TACC2: variants seen among roughly 807,000 people sequenced by gnomAD.
The protein encoded by TACC2 is transforming acidic coiled-coil containing protein 2.
TACC2 carries 137 observed loss-of-function variants against 227.3 expected under a neutral mutation model. The ratio of observed to expected loss-of-function variants is 0.60; its 90% CI spans 0.52 to 0.69. TACC2 has a LOEUF of 0.69. Among genes scored for constraint, TACC2 ranks in the 30% least tolerant of loss-of-function variants. The pLI, the probability that TACC2 is intolerant of heterozygous loss-of-function variation, is 0.00. For synonymous variants in TACC2, 1,523 were observed against 1,487.5 expected (o/e 1.02, Z -0.55); for missense variants, 3,470 against 3,694.4 (o/e 0.94, Z 1.57).
chr10:121,989,929 A>G (rs1475893710), intron 1 of TACC2, among the ~76,000 whole-genome samples: 4 of 151,828 alleles, frequency 2.6e-5, no homozygotes, highest in Non-Finnish European at 4.4e-5. Context: ...AGCATGGGAA[A>G]TATTTTTATG....
chr10:122,229,744 GAAGCATTGATAGCCCCCA>G (rs2095699191), intron 15 of TACC2, among the ~76,000 whole-genome samples: 1 of 152,112 alleles, frequency 6.6e-6, no homozygotes, highest in South Asian at 2.1e-4. Flanking sequence ...TCATTATTTA[GAAGCATTGATAGCCCCCA>G]AAGCAGTTTC....
chr10:122,121,496 C>G (rs1185177172), intron 5 of TACC2, among the ~76,000 whole-genome samples: 1 of 152,196 alleles, frequency 6.6e-6, no homozygotes, highest in Admixed American at 6.5e-5. Flanking sequence ...ATCACCTGCC[C>G]TATCCTACCT....
Position 122,211,322 on chromosome 10 carries a change from G to C in TACC2, c.6897G>C (p.Leu2299=). The change falls in exon 9 of 23, where the codon CTG becomes CTC. Residue 2299 remains leucine (L), a synonymous_variant. Coordinates refer to ENST00000369005, the MANE Select transcript of TACC2 (RefSeq NM_206862.4). ...IGKKPVAKMP[L]RRPKMKKTPE... ...AAAAGCCAGTTGCCAAAATGCCCCTGAGGAGGCCAAAGATGAAAAAGACAC... is the reference window on the plus strand; with the variant it reads ...AAAAGCCAGTTGCCAAAATGCCCCTCAGGAGGCCAAAGATGAAAAAGACAC... The C allele has an allele frequency of 6.2e-7, 1 of 1,614,028 alleles. No homozygotes were observed. Among genetic ancestry groups the C allele is most frequent in the Non-Finnish European group, 8.5e-7 (1 of 1,180,002 alleles).
chr10:122,110,400 G>A (rs186870901), intron 5 of TACC2, among the ~76,000 whole-genome samples: 55 of 152,302 alleles, frequency 3.6e-4, no homozygotes, highest in African/African-American at 7.5e-4. Flanking sequence ...ATTTCTGGTC[G>A]TGGCTAGGAT....
chr10:122,083,291 C>A lies in TACC2; in HGVS notation c.791C>A (p.Ala264Glu). The change falls in exon 4 of 23, where the codon GCG becomes GAG. Residue 264 changes from alanine to glutamate, a missense_variant. Coordinates refer to ENST00000369005, the MANE Select transcript of TACC2 (RefSeq NM_206862.4). The part of the protein sequence containing the change: ...AAAQQGTESS[A>E]VLEKSPLKPM... ...GCCCAGCAGGGCACAGAAAGCTCAG[C>A]GGTCTTGGAGAAGTCCCCCCTAAAA... 6.2e-7 allele frequency: 1 copy of A among 1,613,962 alleles called. No individual in the cohort carries two copies. The highest frequency in any genetic ancestry group is 8.5e-7 in the Non-Finnish European group (1 of 1,180,022).
chr10:122,238,752 A>C (rs2095913778), intron 18 of TACC2, among the ~76,000 whole-genome samples: 1 of 151,892 alleles, frequency 6.6e-6, no homozygotes, highest in African/African-American at 2.4e-5. Flanking sequence ...CGCCTGACCC[A>C]CCACTCTTTT....
chr10:122,126,326 G>GTGTGTGTGTGTGTGTGTGTC (rs2086858646), intron 5 of TACC2, among the ~76,000 whole-genome samples: 1 of 151,490 alleles, frequency 6.6e-6, no homozygotes, highest in Non-Finnish European at 1.5e-5. Flanking sequence ...CTGTGTGTGT[G>GTGTGTGTGTGTGTGTGTGTC]TGTGTGTGTG....
intron 12 of TACC2, 25 bp downstream of exon 12, chr10:122,224,812 T>C (rs768637227): frequency 4.4e-6 from 7 of 1,603,890 alleles, no homozygotes; most frequent in Non-Finnish European, 5.1e-6. Flanking sequence ...CTCGGGCCAC[T>C]TAGGGGACTC....
intron 15 of TACC2, 54 bp downstream of exon 15, chr10:122,229,540 T>C: frequency 1.2e-6 from 2 of 1,603,082 alleles, no homozygotes; most frequent in Non-Finnish European, 1.7e-6. Flanking sequence ...CAGTAGAGAA[T>C]GAACCCCCGA....
At chr10:122,130,474 G>A in intron 5 of TACC2, among the ~76,000 whole-genome samples, 1 of 151,812 alleles carries the variant, frequency 6.6e-6, no homozygotes, top group East Asian at 1.9e-4. Flanking sequence ...TAGAGACAGG[G>A]TCACCCTATG....
At chr10:122,148,954 T>G (rs1189106319) in intron 7 of TACC2, among the ~76,000 whole-genome samples, 1 of 152,248 alleles carries the variant, frequency 6.6e-6, no homozygotes, top group African/African-American at 2.4e-5. Flanking sequence ...ACGCTTCTGA[T>G]GGGCCTTCCT....
chr10:122,154,062 C>T (rs902074287), intron 7 of TACC2, among the ~76,000 whole-genome samples: 10 of 152,212 alleles, frequency 6.6e-5, no homozygotes, highest in African/African-American at 9.6e-5. Flanking sequence ...TGGAAGGGCT[C>T]GTCCTAGGGA....
At chr10:122,175,793 C>G (rs1051086499) in intron 7 of TACC2, among the ~76,000 whole-genome samples, 5 of 152,126 alleles carry the variant, frequency 3.3e-5, no homozygotes, top group African/African-American at 1.2e-4. Context: ...GGGCCGGGTA[C>G]AATAGCTCAA....
At chr10:122,173,106 G>A (rs143088567) in intron 7 of TACC2, among the ~76,000 whole-genome samples, 13 of 152,084 alleles carry the variant, frequency 8.5e-5, no homozygotes, top group African/African-American at 1.7e-4. Context: ...GGCATATATC[G>A]CCTGTGCCTG....
Position 122,249,424 on chromosome 10 carries a change from G to C in TACC2, c.8661-120G>C, listed in dbSNP as rs1012671028. 84 of 1,396,262 alleles carry C rather than the reference G, an allele frequency of 6.0e-5. 2 individuals are homozygous for C. The Admixed American group carries it at 1.5e-3, about 25-fold the overall frequency. 86.5% of individuals were successfully genotyped at this position (1,396,262 alleles called of 1,614,324 possible). A position where few individuals can be genotyped will look rare whatever the true frequency, so the allele number is the denominator to read the frequency against. On this transcript the variant is annotated intron_variant, in intron 21 of 22. Transcript: ENST00000369005. Reference sequence around the variant, plus strand: ...TGTTCTCATGGGCTCCTGTGCTCCAGCTCCAGTTGGTGGCAGCTGGGGCCA... The same window carrying C: ...TGTTCTCATGGGCTCCTGTGCTCCACCTCCAGTTGGTGGCAGCTGGGGCCA...
chr10:122,195,270 G>C lies in TACC2; in HGVS notation c.5971+94G>C, dbSNP rs1278725415. The C allele has an allele frequency of 6.9e-6, 8 of 1,158,066 alleles. No homozygotes were observed. In the East Asian group the frequency reaches 1.9e-4, roughly 28 times the overall value. The allele number at this position is 1,158,066 out of a possible 1,614,324, so 71.7% of individuals were successfully genotyped here. On this transcript the variant is annotated intron_variant, in intron 8 of 22. Transcript: ENST00000369005. Reference sequence around the variant, plus strand: ...GTTCCTCCTGGGTCAGGCTGGAGGCGAGCACTGACTCGACCTCTTGGCTTT... The same window carrying C: ...GTTCCTCCTGGGTCAGGCTGGAGGCCAGCACTGACTCGACCTCTTGGCTTT...
intron 3 of TACC2, among the ~76,000 whole-genome samples, chr10:122,060,651 AT>A (rs1383693875): frequency 5.3e-5 from 8 of 152,172 alleles, no homozygotes; most frequent in African/African-American, 1.9e-4. Context: ...AGCTTTCCAT[AT>A]TTTGGATATA....
rs1591839335 is a variant in TACC2, at chr10:122,087,321, C to T, written c.4821C>T (p.Asp1607=). Residue 1607 remains aspartate, a synonymous_variant, in exon 4 of 23, where the codon GAC becomes GAT. Coordinates refer to ENST00000369005, the MANE Select transcript of TACC2 (RefSeq NM_206862.4). The stretch of plus-strand genomic sequence containing the variant: ...AGCACCAGGAAACATCTGCCTGCGA[C>T]AGTCCACATGGAGAAGATGGTCCCG... ...GKQHQETSAC[D]SPHGEDGPGD... 5.6e-6 allele frequency: 9 copies of T among 1,614,022 alleles called. No homozygotes were observed. The East Asian group carries it at 2.0e-4, about 36-fold the overall frequency.
chr10:122,066,195 C>T (rs1421091502), intron 3 of TACC2, among the ~76,000 whole-genome samples: 2 of 151,910 alleles, frequency 1.3e-5, no homozygotes, highest in Non-Finnish European at 2.9e-5. Flanking sequence ...GCAGCCTCCA[C>T]CTCCCAGGTT....
Sources: gnomAD v4.1 joint callset for allele counts (sites outside exome capture counted in the v4.1 genomes callset) on GRCh38, gnomAD v4.1.1 for gene constraint, MANE v1.5 for transcripts, NCBI Gene and HGNC (gene_info 2026-07-23, HGNC 2026-07-21) for gene names.